The following CFAP54 variants were observed in gnomAD, a reference collection of about 807,000 sequenced individuals.
CFAP54 encodes cilia and flagella associated protein 54, also known as cilia- and flagella-associated protein 54.
Under a neutral mutation model 370.4 loss-of-function variants are expected in CFAP54, and 290 were observed. That is an observed-to-expected ratio of 0.78 (90% CI 0.71 to 0.86). CFAP54 has a LOEUF of 0.86. Ranked by LOEUF, CFAP54 falls within the 40% of genes least tolerant of loss-of-function variation. CFAP54 has a pLI of 0.00. For missense variants in CFAP54, 3,399 were observed against 3,528.7 expected, an observed-to-expected ratio of 0.96 and a Z score of 0.93; for synonymous variants, 1,206 against 1,236.5, an observed-to-expected ratio of 0.98 and a Z score of 0.52.
At chr12:96,613,607 T>TCC (rs1565914733) in intron 26 of CFAP54, among the ~76,000 whole-genome samples, 1 of 151,860 alleles carries the variant, frequency 6.6e-6, no homozygotes, top group Non-Finnish European at 1.5e-5. Flanking sequence ...ACCAACAAAA[T>TCC]TGATAGACCA....
chr12:96,691,269 T>C lies in CFAP54; in HGVS notation c.6223T>C (p.Tyr2075His). 6.2e-7 allele frequency: 1 copy of C among 1,609,790 alleles called. No individual in the cohort carries two copies. The highest frequency in any genetic ancestry group is 2.2e-5 in the East Asian group (1 of 44,728). ...TTGCTCTGTAATTGCAAGTCTGTATTACATTATACGTGAACTGCACTTTGT... is the reference window on the plus strand; with the variant it reads ...TTGCTCTGTAATTGCAAGTCTGTATCACATTATACGTGAACTGCACTTTGT... Reference protein sequence around the residue: ...DICSVIASLYYIIRELHFVRQ... With the variant: ...DICSVIASLYHIIRELHFVRQ... The change falls in exon 44 of 68, where the codon TAC becomes CAC. Residue 2075 changes from tyrosine to histidine, a missense_variant. Transcript: ENST00000524981.
At chr12:96,612,527 C>CA (rs1006028181) in intron 26 of CFAP54, among the ~76,000 whole-genome samples, 2 of 152,280 alleles carry the variant, frequency 1.3e-5, no homozygotes, top group African/African-American at 4.8e-5. Context: ...TGATCAAATT[C>CA]ACACATAGCA....
intron 65 of CFAP54, among the ~76,000 whole-genome samples, chr12:96,819,537 C>T (rs1007803982): frequency 6.6e-6 from 1 of 152,150 alleles, no homozygotes; most frequent in African/African-American, 2.4e-5. Flanking sequence ...ATGGATTTAG[C>T]TCACTTATAC....
intron 67 of CFAP54, among the ~76,000 whole-genome samples, chr12:96,869,985 C>T (rs559139279): frequency 2.5e-4 from 37 of 150,748 alleles, no homozygotes; most frequent in Non-Finnish European, 4.4e-4. Context: ...ACATTTAGGC[C>T]GGGCATGGTG....
In CFAP54 at chr12:96,489,823, C is replaced by T; in HGVS notation, c.214C>T (p.Leu72=). 4.6e-6 allele frequency: 7 copies of T among 1,536,172 alleles called. No individual in the cohort carries two copies. Among genetic ancestry groups the T allele is most frequent in the Non-Finnish European group, 6.1e-6 (7 of 1,146,918 alleles). ...GCCGCTGGACGCGAAAAACCCGCTC[C>T]TGGCCTCTTGTGAGAAGGAGATCCA... ...YGPLDAKNPL[L]ASCEKEIQEL... is the part of the protein sequence containing the mutation. The change falls in exon 1 of 68, where the codon CTG becomes TTG. Residue 72 remains leucine (L), a synonymous_variant. Coordinates refer to ENST00000524981, the MANE Select transcript of CFAP54 (RefSeq NM_001306084.2).
At chr12:96,822,651 T>C (rs1959046194) in intron 65 of CFAP54, among the ~76,000 whole-genome samples, 1 of 152,160 alleles carries the variant, frequency 6.6e-6, no homozygotes. Context: ...AGTAGCTCTG[T>C]CGTAAGAAAG....
intron 45 of CFAP54, among the ~76,000 whole-genome samples, chr12:96,694,820 G>A (rs1439168310): frequency 6.6e-6 from 1 of 151,966 alleles, no homozygotes; most frequent in African/African-American, 2.4e-5. Flanking sequence ...TCAGGAGTTC[G>A]AGACCAGCCT....
chr12:96,644,488 T>A, intron 33 of CFAP54, 80 bp downstream of exon 33: 1 of 993,544 alleles, frequency 1.0e-6, no homozygotes, highest in Non-Finnish European at 1.5e-6. Context: ...GCTCCAATGG[T>A]GCTAACAACT....
intron 39 of CFAP54, among the ~76,000 whole-genome samples, chr12:96,675,511 A>G (rs1011423105): frequency 6.6e-6 from 1 of 152,240 alleles, no homozygotes; most frequent in Non-Finnish European, 1.5e-5. Flanking sequence ...TAGTTCAACC[A>G]TTGTGGAAGT....
chr12:96,501,635 T>C (rs899955599), intron 2 of CFAP54, among the ~76,000 whole-genome samples: 12 of 152,200 alleles, frequency 7.9e-5, no homozygotes, highest in African/African-American at 2.7e-4. Flanking sequence ...TTCTAAGTTA[T>C]GTGAACGTCA....
intron 35 of CFAP54, 126 bp from the exon 36 acceptor site, chr12:96,651,462 G>A (rs1043404430): frequency 1.5e-5 from 11 of 728,602 alleles, no homozygotes; most frequent in African/African-American, 1.3e-4. Flanking sequence ...ACTCATGTAA[G>A]TGACCCTAAC....
chr12:96,521,984 A>T lies in CFAP54; in HGVS notation c.1056+14A>T. ...GCCACAATGAAGGTATAAAAATTTC[A>T]TGAAATAAAAGAAATTTACCACACT... is the stretch of plus-strand genomic sequence containing the variant. On this transcript the variant is annotated intron_variant, in intron 7 of 67. Transcript: ENST00000524981. The T allele has an allele frequency of 1.3e-6, 2 of 1,527,526 alleles. No individual in the cohort carries two copies. The highest frequency in any genetic ancestry group is 1.8e-6 in the Non-Finnish European group (2 of 1,139,976). The allele number at this position is 1,527,526 out of a possible 1,614,324, so 94.6% of individuals were successfully genotyped here.
chr12:96,781,248 C>G (rs541032915), intron 60 of CFAP54, among the ~76,000 whole-genome samples: 22 of 152,176 alleles, frequency 1.4e-4, no homozygotes, highest in Non-Finnish European at 1.0e-4. Context: ...TTACTTCTCT[C>G]AACAAGGAAG....
intron 22 of CFAP54, among the ~76,000 whole-genome samples, chr12:96,583,741 C>G (rs1407087105): frequency 6.6e-6 from 1 of 152,166 alleles, no homozygotes; most frequent in Non-Finnish European, 1.5e-5. Flanking sequence ...ACACTTGGAC[C>G]AGCTCATGCC....
At chr12:96,662,454 C>A (rs1957006053) in intron 38 of CFAP54, among the ~76,000 whole-genome samples, 1 of 152,176 alleles carries the variant, frequency 6.6e-6, no homozygotes, top group Non-Finnish European at 1.5e-5. Context: ...ATCCACCTGC[C>A]TTGGCCTCCC....
At chr12:96,552,402 G>C (rs1260981982) in intron 15 of CFAP54, among the ~76,000 whole-genome samples, 1 of 151,806 alleles carries the variant, frequency 6.6e-6, no homozygotes, top group African/African-American at 2.4e-5. Context: ...GGAGTGCAGT[G>C]GCATGATCAG....
intron 46 of CFAP54, among the ~76,000 whole-genome samples, chr12:96,700,652 T>C (rs1430118187): frequency 6.6e-6 from 1 of 152,216 alleles, no homozygotes; most frequent in Non-Finnish European, 1.5e-5. Context: ...TGAAGCATCC[T>C]TGAAAATGAA....
intron 60 of CFAP54, among the ~76,000 whole-genome samples, chr12:96,774,789 T>C (rs1958499327): frequency 6.6e-6 from 1 of 152,204 alleles, no homozygotes; most frequent in Non-Finnish European, 1.5e-5. Flanking sequence ...TGTTTTAACA[T>C]TTTCTTCAAA....
chr12:96,611,069 G>A (rs1317130108), intron 26 of CFAP54, among the ~76,000 whole-genome samples: 5 of 152,210 alleles, frequency 3.3e-5, no homozygotes, highest in African/African-American at 1.2e-4. Flanking sequence ...TTTGAGATCT[G>A]AGAAAGGACA....
Sources: gnomAD v4.1 joint callset for allele counts (sites outside exome capture counted in the v4.1 genomes callset) on GRCh38, gnomAD v4.1.1 for gene constraint, MANE v1.5 for transcripts, NCBI Gene and HGNC (gene_info 2026-07-23, HGNC 2026-07-21) for gene names.